Variants in SFMBT2 observed in about 807,000 individuals in gnomAD.
The protein encoded by SFMBT2 is scm-like with four MBT domains protein 2.
SFMBT2 carries 38 observed loss-of-function variants against 110.1 expected under a neutral mutation model. The ratio of observed to expected loss-of-function variants is 0.35; its 90% CI spans 0.27 to 0.45. SFMBT2 has a LOEUF of 0.45. Ranked by LOEUF, SFMBT2 falls within the 20% of genes least tolerant of loss-of-function variation. The pLI is 1.00. For missense variants in SFMBT2, 1,011 were observed against 1,094.9 expected, an observed-to-expected ratio of 0.92 and a Z score of 1.08; for synonymous variants, 425 against 425.4, an observed-to-expected ratio of 1.00 and a Z score of 0.01.
intron 12 of SFMBT2, chr10:7,202,733 C>T (rs534524415): frequency 3.0e-6 from 3 of 985,386 alleles, no homozygotes; most frequent in Non-Finnish European, 2.4e-6. Context: ...AGTACAACTT[C>T]GTTCATTTAA....
At chr10:7,200,894 CT>C in intron 13 of SFMBT2, 1 of 599,702 alleles carries the variant, frequency 1.7e-6, no homozygotes, top group Non-Finnish European at 2.1e-6. Flanking sequence ...TTCCACTAAC[CT>C]TTGATTTCTG....
intron 9 of SFMBT2, among the ~76,000 whole-genome samples, chr10:7,229,303 G>A (rs532867077): frequency 2.6e-4 from 39 of 152,244 alleles, no homozygotes; most frequent in African/African-American, 8.2e-4. Context: ...AACATAGGCC[G>A]GGCGCGGTGG....
intron 11 of SFMBT2, chr10:7,214,861 C>T (rs1839480893): frequency 2.9e-6 from 2 of 690,928 alleles, no homozygotes; most frequent in Admixed American, 1.3e-4. Context: ...ACAGGGCTCC[C>T]CAGTTCAAAA....
intron 7 of SFMBT2, among the ~76,000 whole-genome samples, chr10:7,258,477 C>T (rs917622786): frequency 6.6e-6 from 1 of 152,096 alleles, no homozygotes; most frequent in Non-Finnish European, 1.5e-5. Context: ...TTTTCAGTTC[C>T]AACATGCCAG....
intron 7 of SFMBT2, chr10:7,248,988 G>A (rs2692770): frequency 0.024 from 7,109 of 291,692 alleles, 133 homozygotes; most frequent in Middle Eastern, 0.05. Context: ...ACACAGCAGG[G>A]TGTCTTCAGA....
At chr10:7,316,843 T>G (rs1843028183) in intron 4 of SFMBT2, among the ~76,000 whole-genome samples, 1 of 151,740 alleles carries the variant, frequency 6.6e-6, no homozygotes, top group Non-Finnish European at 1.5e-5. Flanking sequence ...AGCCATAGTA[T>G]GTAGGCTGGT....
rs545670489 is a variant in SFMBT2 at position 7,406,986 on chromosome 10, G to C, written c.-52+3875C>G. On this transcript the variant is annotated intron_variant, in intron 1 of 20. Coordinates refer to ENST00000397167, the MANE Select transcript of SFMBT2 (RefSeq NM_001387889.1). ...TTTGGTGGGGACCTAGAGGGTTGGC[G>C]GGGGGGGAGGGAAGTGGAGAAGTGC... is the stretch of plus-strand genomic sequence containing the variant. Among the ~76,000 whole-genome samples, 55 of 149,506 alleles carry C rather than the reference G, an allele frequency of 3.7e-4. No homozygotes were observed. The South Asian group carries it at 5.1e-3, about 14-fold the overall frequency.
At chr10:7,214,441 T>C (rs944849582) in intron 11 of SFMBT2, 2 of 531,858 alleles carry the variant, frequency 3.8e-6, no homozygotes, top group Non-Finnish European at 2.4e-6. Context: ...GTCAGATAAA[T>C]GGGAAGATGC....
chr10:7,269,503 C>T lies in SFMBT2; in HGVS notation c.870+7389G>A, dbSNP rs115225092. Among the ~76,000 whole-genome samples, 265 of 152,252 alleles carry T rather than the reference C, an allele frequency of 1.7e-3. 1 individual carries two copies. Among genetic ancestry groups the T allele is most frequent in the African/African-American group, 6.0e-3 (251 of 41,550 alleles). ...ACTTCTTGGAAATACCGCTCATCTC[C>T]GGCCATTAAATGTGCTTAGCTTTGA... On this transcript the variant is annotated intron_variant, in intron 7 of 20. Coordinates refer to ENST00000397167, the MANE Select transcript of SFMBT2 (RefSeq NM_001387889.1).
chr10:7,375,754 CACA>C (rs1845186019), intron 2 of SFMBT2, among the ~76,000 whole-genome samples: 2 of 26,492 alleles, frequency 7.5e-5, no homozygotes, highest in Non-Finnish European at 1.2e-4. Flanking sequence ...GAAAAAACCA[CACA>C]CACACACACA....
intron 4 of SFMBT2, among the ~76,000 whole-genome samples, chr10:7,309,606 A>G (rs562927609): frequency 6.6e-6 from 1 of 152,228 alleles, no homozygotes; most frequent in African/African-American, 2.4e-5. Context: ...ATTAAACATC[A>G]CAGCATCAGG....
chr10:7,380,917 G>A (rs1845401175), intron 2 of SFMBT2, among the ~76,000 whole-genome samples: 1 of 151,964 alleles, frequency 6.6e-6, no homozygotes, highest in Non-Finnish European at 1.5e-5. Flanking sequence ...GGCACAGTGG[G>A]ACACACCTGT....
At chr10:7,198,108 T>C (rs1838836328) in intron 14 of SFMBT2, 3 of 985,288 alleles carry the variant, frequency 3.0e-6, no homozygotes, top group South Asian at 4.7e-5. Context: ...CACAGAAGCA[T>C]GCATGTGCCT....
intron 4 of SFMBT2, among the ~76,000 whole-genome samples, chr10:7,328,523 T>C (rs1843465073): frequency 6.6e-6 from 1 of 152,274 alleles, no homozygotes; most frequent in Non-Finnish European, 1.5e-5. Context: ...CTATGAACTC[T>C]TGCCTAATCC....
intron 16 of SFMBT2, among the ~76,000 whole-genome samples, chr10:7,186,353 C>A (rs926078661): frequency 1.4e-4 from 21 of 150,972 alleles, no homozygotes; most frequent in Admixed American, 5.9e-4. Context: ...CATAATCAAC[C>A]AAGAGGACTG....
At chr10:7,376,115 A>G (rs1307066789) in intron 2 of SFMBT2, among the ~76,000 whole-genome samples, 1 of 152,150 alleles carries the variant, frequency 6.6e-6, no homozygotes, top group East Asian at 1.9e-4. Context: ...TGTAAAAAGA[A>G]TGTCAAGGAA....
Position 7,172,492 on chromosome 10 carries a change from T to C in SFMBT2, c.2151+3A>G, listed in dbSNP as rs1377281110. ...GCTGGCAGGTGCCCCGGGCAGAACA[T>C]ACCTCCCCCGAGCCCGCGGTGAAGT... On this transcript the variant is annotated splice_donor_region_variant and intron_variant, in intron 18 of 20. Transcript: ENST00000397167. This position sits in a 1 kb window ranked among gnomAD's most constrained non-coding sequence, Gnocchi z 4.6. The C allele has an allele frequency of 7.4e-6, 12 of 1,613,494 alleles. No individual in the cohort carries two copies. The South Asian group carries it at 7.7e-5, about 10-fold the overall frequency.
In SFMBT2 at chr10:7,301,124, C is replaced by G. The variant is rs1391970525; in HGVS notation, c.437-15170G>C. The stretch of plus-strand genomic sequence containing the variant: ...CTGGCACCAGGGCCAGGATGCTTCC[C>G]GATGGAGGCAGTTGAGAACCATGCC... On this transcript the variant is annotated intron_variant, in intron 4 of 20. Transcript: ENST00000397167. The surrounding 1 kb of genome is among the most constrained non-coding windows in gnomAD (Gnocchi z 4.2). 1.3e-5 allele frequency among the ~76,000 whole-genome samples: 2 copies of G among 152,066 alleles called. No homozygotes were observed. The highest frequency in any genetic ancestry group is 1.3e-4 in the Admixed American group (2 of 15,270).
chr10:7,174,409 T>C (rs1837983861), intron 17 of SFMBT2, among the ~76,000 whole-genome samples: 1 of 152,218 alleles, frequency 6.6e-6, no homozygotes, highest in African/African-American at 2.4e-5. Context: ...AGTATGTGTT[T>C]GGAGCCTTAG....
Sources: gnomAD v4.1 joint callset for allele counts (sites outside exome capture counted in the v4.1 genomes callset) on GRCh38, gnomAD v4.1.1 for gene constraint, Gnocchi (gnomAD v3.1) non-coding constraint, MANE v1.5 for transcripts, NCBI Gene and HGNC (gene_info 2026-07-23, HGNC 2026-07-21) for gene names.